ATXN10: variants seen among roughly 807,000 people sequenced by gnomAD.
ATXN10 encodes ataxin-10.
A neutral mutation model predicts 52.9 loss-of-function variants in ATXN10; 28 were observed. The ratio of observed to expected loss-of-function variants is 0.53; its 90% confidence interval spans 0.39 to 0.73. ATXN10 has a LOEUF of 0.73. Ranked by LOEUF, ATXN10 falls within the 30% of genes least tolerant of loss-of-function variation. The pLI is 0.00. For synonymous variants in ATXN10, 226 were observed against 221.5 expected (o/e 1.02, Z -0.18); for missense variants, 565 against 577.0 (o/e 0.98, Z 0.21).
At chr22:45,801,114 C>G (rs1024796079) in intron 9 of ATXN10, among the ~76,000 whole-genome samples, 1 of 152,228 alleles carries the variant, frequency 6.6e-6, no homozygotes, top group Non-Finnish European at 1.5e-5. Flanking sequence ...CTGAGCAGGT[C>G]TTACAGGTTG....
At chr22:45,723,289 T>TG (rs375018414) in intron 6 of ATXN10, among the ~76,000 whole-genome samples, 28 of 152,080 alleles carry the variant, frequency 1.8e-4, no homozygotes, top group African/African-American at 6.0e-4. Context: ...GTCACATGGA[T>TG]GGGTTGTATA....
In ATXN10 at chr22:45,762,680, C is replaced by T. The variant is rs1254301045; in HGVS notation, c.1173+22142C>T. On this transcript the variant is annotated intron_variant, in intron 9 of 11. Transcript: ENST00000252934. The surrounding 1 kb of genome is among the most constrained non-coding windows in gnomAD (Gnocchi z 4.3). ...GGCTTCCAGGCCTCAGGGACTGCCT[C>T]CTGGTCCCCCAGAGGCCACCTCACT... is the stretch of plus-strand genomic sequence containing the variant. 6.6e-6 allele frequency among the ~76,000 whole-genome samples: 1 copy of T among 152,190 alleles called. No homozygotes were observed. Among genetic ancestry groups the T allele is most frequent in the Non-Finnish European group, 1.5e-5 (1 of 68,034 alleles).
In ATXN10 at chr22:45,833,759, T is replaced by C. The variant is rs1764611757; in HGVS notation, c.1238-9232T>C. 6.6e-6 allele frequency among the ~76,000 whole-genome samples: 1 copy of C among 152,184 alleles called. No individual in the cohort carries two copies. Among genetic ancestry groups the C allele is most frequent in the African/African-American group, 2.4e-5 (1 of 41,460 alleles). On this transcript the variant is annotated intron_variant, in intron 10 of 11. Coordinates refer to ENST00000252934, the MANE Select transcript of ATXN10 (RefSeq NM_013236.4). This position sits in a 1 kb window ranked among gnomAD's most constrained non-coding sequence, Gnocchi z 4.3. ...CGTTCCTTGTACTGGTTTGTAGGCA[T>C]AGCTCAGAAACGTGCAGTCATAGCA...
chr22:45,777,024 T>G (rs1009316457), intron 9 of ATXN10, among the ~76,000 whole-genome samples: 3 of 152,226 alleles, frequency 2.0e-5, no homozygotes, highest in African/African-American at 7.2e-5. Context: ...TGAACTTGAA[T>G]GACTTTATGT....
rs1601635042 is a variant in ATXN10, at chr22:45,770,074, C to T, written c.1173+29536C>T. Among the ~76,000 whole-genome samples, 1 of 151,826 alleles carries T rather than the reference C, an allele frequency of 6.6e-6. No individual in the cohort carries two copies. The highest frequency in any genetic ancestry group is 2.4e-5 in the African/African-American group (1 of 41,286). On this transcript the variant is annotated intron_variant, in intron 9 of 11. Transcript: ENST00000252934. This position sits in a 1 kb window ranked among gnomAD's most constrained non-coding sequence, Gnocchi z 4.5. ...TCTAGACCAGTAATGGCTACTGTTT[C>T]TTGAGAAATGATTATGTGTCAAGCT... is the stretch of plus-strand genomic sequence containing the variant.
intron 9 of ATXN10, among the ~76,000 whole-genome samples, chr22:45,768,894 C>T (rs1229173204): frequency 6.6e-6 from 1 of 152,120 alleles, no homozygotes; most frequent in Non-Finnish European, 1.5e-5. Flanking sequence ...TGTAATTAAT[C>T]TTTCTAGGCA....
rs763695426 is a variant in ATXN10 at position 45,770,738 on chromosome 22, C to G, written c.1173+30200C>G. Among the ~76,000 whole-genome samples the G allele has an allele frequency of 1.3e-5, 2 of 152,190 alleles. No individual in the cohort carries two copies. Among genetic ancestry groups the G allele is most frequent in the Non-Finnish European group, 2.9e-5 (2 of 68,032 alleles). ...AGCCCAGGATCTGAAGAGGGCTTCT[C>G]AAAGAAAGGGGAGCTAAGGGCAGGA... is the stretch of plus-strand genomic sequence containing the variant. On this transcript the variant is annotated intron_variant, in intron 9 of 11. Transcript: ENST00000252934. This position sits in a 1 kb window ranked among gnomAD's most constrained non-coding sequence, Gnocchi z 4.5.
chr22:45,683,291 C>T lies in ATXN10; in HGVS notation c.117-6421C>T, dbSNP rs2146729640. Among the ~76,000 whole-genome samples the T allele has an allele frequency of 6.6e-6, 1 of 152,292 alleles. No individual in the cohort carries two copies. The highest frequency in any genetic ancestry group is 2.4e-5 in the African/African-American group (1 of 41,564). On this transcript the variant is annotated intron_variant, in intron 1 of 11. Coordinates refer to ENST00000252934, the MANE Select transcript of ATXN10 (RefSeq NM_013236.4). The surrounding 1 kb of genome is among the most constrained non-coding windows in gnomAD (Gnocchi z 4.8). ...CTGAGATCCTGCCTCTGCACTCCAG[C>T]CTGGGCAACAGAGCAAAACTCTGTC...
At chr22:45,751,741 A>G (rs1264332278) in intron 9 of ATXN10, among the ~76,000 whole-genome samples, 47 of 5,208 alleles carry the variant, frequency 9.0e-3, no homozygotes, top group Middle Eastern at 0.056. Context: ...CTTTTTCTGG[A>G]AAAAAAAAAA....
At chr22:45,685,344 G>A (rs1281030328) in intron 1 of ATXN10, among the ~76,000 whole-genome samples, 1 of 152,104 alleles carries the variant, frequency 6.6e-6, no homozygotes, top group Non-Finnish European at 1.5e-5. Flanking sequence ...TTTATACATT[G>A]TCTTCAGGGT....
intron 10 of ATXN10, among the ~76,000 whole-genome samples, chr22:45,832,091 C>T (rs1246680804): frequency 6.6e-6 from 1 of 152,190 alleles, no homozygotes; most frequent in Admixed American, 6.5e-5. Context: ...AAATTTTATT[C>T]TCACCATTAT....
At chr22:45,773,838 G>T (rs1248917284) in intron 9 of ATXN10, among the ~76,000 whole-genome samples, 6 of 150,510 alleles carry the variant, frequency 4.0e-5, no homozygotes, top group Non-Finnish European at 3.0e-5. Context: ...AAAAAGAAAT[G>T]AACTGATGTT....
At chr22:45,821,629 G>C (rs145465756) in intron 10 of ATXN10, among the ~76,000 whole-genome samples, 2 of 152,040 alleles carry the variant, frequency 1.3e-5, no homozygotes, top group African/African-American at 4.8e-5. Context: ...AGTACCTCAT[G>C]GTGTCTTATT....
intron 1 of ATXN10, chr22:45,676,957 T>G (rs1922722133): frequency 6.6e-6 from 1 of 152,304 alleles, no homozygotes; most frequent in South Asian, 2.1e-4. Flanking sequence ...TTTTTGTTTA[T>G]TTTTTGTAGA....
At chr22:45,782,484 G>A (rs184153182) in intron 9 of ATXN10, among the ~76,000 whole-genome samples, 6 of 152,298 alleles carry the variant, frequency 3.9e-5, no homozygotes, top group Admixed American at 1.3e-4. Context: ...TGGTGACAGA[G>A]GGAGCTTCTG....
At chr22:45,812,749 A>G (rs747668658) in intron 10 of ATXN10, among the ~76,000 whole-genome samples, 59 of 152,216 alleles carry the variant, frequency 3.9e-4, no homozygotes, top group Non-Finnish European at 8.1e-4. Context: ...AGCACTCTGG[A>G]TAATGTCCTT....
chr22:45,722,025 C>G (rs566396444), intron 6 of ATXN10, among the ~76,000 whole-genome samples: 2 of 152,250 alleles, frequency 1.3e-5, no homozygotes, highest in Admixed American at 1.3e-4. Flanking sequence ...TAATGACAGC[C>G]AGTGATTGAG....
chr22:45,694,682 T>C (rs1923521055), intron 3 of ATXN10, among the ~76,000 whole-genome samples: 1 of 151,988 alleles, frequency 6.6e-6, no homozygotes, highest in Non-Finnish European at 1.5e-5. Flanking sequence ...CTCAGGAGGC[T>C]GAGGCAGGAG....
rs1375483012 is a variant in ATXN10, at chr22:45,728,765, A to G, written c.729-660A>G. Among the ~76,000 whole-genome samples, 1 of 152,202 alleles carries G rather than the reference A, an allele frequency of 6.6e-6. No individual in the cohort carries two copies. Among genetic ancestry groups the G allele is most frequent in the African/African-American group, 2.4e-5 (1 of 41,444 alleles). ...GTTGAAAAGAAATATTTATTTGGTA[A>G]CTTATATATTGATGTAAAAATGGCA... On this transcript the variant is annotated intron_variant, in intron 6 of 11. Coordinates refer to ENST00000252934, the MANE Select transcript of ATXN10 (RefSeq NM_013236.4). The surrounding 1 kb of genome is among the most constrained non-coding windows in gnomAD (Gnocchi z 4.3).
Sources: allele counts gnomAD v4.1 joint callset (sites outside exome capture counted in the v4.1 genomes callset), GRCh38; gene constraint gnomAD v4.1.1; non-coding constraint Gnocchi (gnomAD v3.1); transcripts MANE v1.5; gene names NCBI Gene and HGNC (gene_info 2026-07-23, HGNC 2026-07-21).